The following PRKG1 variants were observed in gnomAD, a reference collection of about 807,000 sequenced individuals.
PRKG1 encodes the protein cGMP-dependent protein kinase 1.
A neutral mutation model predicts 88.1 loss-of-function variants in PRKG1; 35 were observed. The ratio of observed to expected loss-of-function variants is 0.40; its 90% CI spans 0.30 to 0.53. The LOEUF is 0.53. Ranked by LOEUF, PRKG1 falls within the 20% of genes least tolerant of loss-of-function variation. The pLI is 0.59. For missense variants in PRKG1, 540 were observed against 839.8 expected, an observed-to-expected ratio of 0.64 and a Z score of 4.41; for synonymous variants, 303 against 292.5, an observed-to-expected ratio of 1.04 and a Z score of -0.37.
chr10:52,128,356 T>C (rs1837159183), intron 7 of PRKG1: 1 of 985,284 alleles, frequency 1.0e-6, no homozygotes, highest in Non-Finnish European at 1.2e-6. Flanking sequence ...ACATTCTGTG[T>C]TTGTTCCCCT....
At chr10:51,482,761 C>G (rs1840402203) in intron 3 of PRKG1, among the ~76,000 whole-genome samples, 1 of 152,114 alleles carries the variant, frequency 6.6e-6, no homozygotes. Flanking sequence ...TGGGCCTTAA[C>G]AAGCAGCTTA....
intron 1 of PRKG1, among the ~76,000 whole-genome samples, chr10:51,078,978 GATATA>G (rs1486031495): frequency 6.6e-6 from 1 of 152,000 alleles, no homozygotes; most frequent in East Asian, 1.9e-4. Context: ...ACTTTATACT[GATATA>G]TCTCAAGAAA....
intron 1 of PRKG1, among the ~76,000 whole-genome samples, chr10:51,043,072 A>G (rs549908864): frequency 6.6e-6 from 1 of 152,274 alleles, no homozygotes; most frequent in South Asian, 2.1e-4. Context: ...AGCATCCCCA[A>G]TAGACTAAGA....
At chr10:51,706,915 T>C (rs1841620304) in intron 3 of PRKG1, among the ~76,000 whole-genome samples, 1 of 152,220 alleles carries the variant, frequency 6.6e-6, no homozygotes, top group Admixed American at 6.5e-5. Context: ...ACATTGGTTA[T>C]CTAGTAATAG....
intron 4 of PRKG1, among the ~76,000 whole-genome samples, chr10:51,820,150 C>A (rs1450856941): frequency 6.6e-6 from 1 of 152,070 alleles, no homozygotes; most frequent in Non-Finnish European, 1.5e-5. Flanking sequence ...AAGGATTTTA[C>A]TATTTATGTA....
At chr10:51,961,834 A>G (rs1843454929) in intron 5 of PRKG1, among the ~76,000 whole-genome samples, 1 of 152,048 alleles carries the variant, frequency 6.6e-6, no homozygotes, top group South Asian at 2.1e-4. Flanking sequence ...TGTTGCAGCT[A>G]CTCTTCCAGT....
chr10:51,284,694 C>T (rs1034831800), intron 2 of PRKG1, among the ~76,000 whole-genome samples: 1 of 151,886 alleles, frequency 6.6e-6, no homozygotes, highest in African/African-American at 2.4e-5. Flanking sequence ...TACTTCTATC[C>T]CAACAATTTC....
chr10:51,751,829 A>C (rs1376752255), intron 3 of PRKG1, among the ~76,000 whole-genome samples: 2 of 151,652 alleles, frequency 1.3e-5, no homozygotes, highest in Non-Finnish European at 2.9e-5. Context: ...TTTTTAGCTC[A>C]TCATTATATT....
chr10:51,368,927 G>A (rs1005457640), intron 2 of PRKG1, among the ~76,000 whole-genome samples: 2 of 151,954 alleles, frequency 1.3e-5, no homozygotes, highest in African/African-American at 2.4e-5. Context: ...AAGAAGAAAC[G>A]GAGAAAAGGA....
At chr10:52,239,327 A>T (rs148702925) in intron 9 of PRKG1, among the ~76,000 whole-genome samples, 6,419 of 124,050 alleles carry the variant, frequency 0.052, 196 homozygotes, top group Middle Eastern at 0.12. Context: ...ATAATAAAAA[A>T]AAATAAATAA....
chr10:51,092,055 C>A (rs2131866058), intron 1 of PRKG1, among the ~76,000 whole-genome samples: 1 of 152,204 alleles, frequency 6.6e-6, no homozygotes, highest in East Asian at 1.9e-4. Flanking sequence ...GGCTTTTTGG[C>A]TCCCTGTGCA....
At chr10:51,817,074 A>C (rs996641262) in intron 4 of PRKG1, among the ~76,000 whole-genome samples, 1 of 152,144 alleles carries the variant, frequency 6.6e-6, no homozygotes, top group Non-Finnish European at 1.5e-5. Context: ...AATTGTTACA[A>C]ATTTTGACTT....
intron 7 of PRKG1, among the ~76,000 whole-genome samples, chr10:52,074,253 G>A (rs1846576228): frequency 6.6e-6 from 1 of 152,112 alleles, no homozygotes; most frequent in Non-Finnish European, 1.5e-5. Flanking sequence ...TTTTGAAAGA[G>A]GACTTTTCTT....
At chr10:51,045,598 A>T (rs1301770765) in intron 1 of PRKG1, among the ~76,000 whole-genome samples, 1 of 152,078 alleles carries the variant, frequency 6.6e-6, no homozygotes, top group East Asian at 1.9e-4. Flanking sequence ...TAAAGTTGTA[A>T]ATCTTACCAT....
At chr10:52,206,066 T>G (rs1206353281) in intron 9 of PRKG1, among the ~76,000 whole-genome samples, 1 of 152,012 alleles carries the variant, frequency 6.6e-6, no homozygotes, top group Admixed American at 6.6e-5. Context: ...AGTCATAGAT[T>G]TGATCTCTTT....
At chr10:51,735,393 C>T (rs1258133842) in intron 3 of PRKG1, among the ~76,000 whole-genome samples, 2 of 151,882 alleles carry the variant, frequency 1.3e-5, no homozygotes, top group Non-Finnish European at 2.9e-5. Context: ...TTTTCTATGC[C>T]AATTAGTTTT....
At chr10:51,946,499 G>A (rs1383794029) in intron 5 of PRKG1, among the ~76,000 whole-genome samples, 1 of 152,048 alleles carries the variant, frequency 6.6e-6, no homozygotes, top group Non-Finnish European at 1.5e-5. Flanking sequence ...TCCGTTGCTG[G>A]TGAGGAGATG....
intron 9 of PRKG1, among the ~76,000 whole-genome samples, chr10:52,166,827 A>ATG (rs1491311702): frequency 1.6e-4 from 3 of 18,206 alleles, no homozygotes; most frequent in Non-Finnish European, 2.4e-4. Flanking sequence ...ATGTATATAT[A>ATG]TGTATATATA....
At chr10:51,622,411 G>T (rs1410658109) in intron 3 of PRKG1, among the ~76,000 whole-genome samples, 1 of 152,172 alleles carries the variant, frequency 6.6e-6, no homozygotes, top group South Asian at 2.1e-4. Context: ...AGGAATCTTT[G>T]TATCCACAGT....
Sources: allele counts gnomAD v4.1 joint callset (sites outside exome capture counted in the v4.1 genomes callset), GRCh38; gene constraint gnomAD v4.1.1; transcripts MANE v1.5; gene names NCBI Gene and HGNC (gene_info 2026-07-23, HGNC 2026-07-21).